The following PRKG1 variants were observed in gnomAD, a reference collection of about 807,000 sequenced individuals.
PRKG1 encodes cGMP-dependent protein kinase 1.
A neutral mutation model predicts 88.1 loss-of-function variants in PRKG1; 35 were observed. The ratio of observed to expected loss-of-function variants is 0.40; its 90% CI spans 0.30 to 0.53. The LOEUF (loss-of-function observed/expected upper bound fraction) is 0.53, where lower values mean the gene tolerates loss of function less well. PRKG1 is among the 20% of genes least tolerant of loss of function. PRKG1 has a pLI of 0.59. For missense variants in PRKG1, 540 were observed against 839.8 expected, an observed-to-expected ratio of 0.64 and a Z score of 4.41; for synonymous variants, 303 against 292.5, an observed-to-expected ratio of 1.04 and a Z score of -0.37.
At chr10:51,040,232 TTGTGTGTGTG>T (rs373057468) in intron 1 of PRKG1, among the ~76,000 whole-genome samples, 40 of 117,838 alleles carry the variant, frequency 3.4e-4, no homozygotes, top group East Asian at 2.1e-3. Context: ...TCCATTCCAT[TTGTGTGTGTG>T]TGTGTGTGTG....
At chr10:51,537,664 G>T (rs1312107295) in intron 3 of PRKG1, among the ~76,000 whole-genome samples, 1 of 145,892 alleles carries the variant, frequency 6.9e-6, no homozygotes, top group East Asian at 2.1e-4. Context: ...GGAGGCAGAG[G>T]TTGCAGTGAG....
chr10:51,836,986 A>C (rs760578048), intron 4 of PRKG1, among the ~76,000 whole-genome samples: 5 of 152,172 alleles, frequency 3.3e-5, no homozygotes, highest in Non-Finnish European at 7.4e-5. Context: ...TGGTCCCTGC[A>C]TTCATTGAGT....
chr10:52,162,918 C>T (rs183367165), intron 9 of PRKG1, among the ~76,000 whole-genome samples: 3 of 152,268 alleles, frequency 2.0e-5, no homozygotes, highest in Admixed American at 2.0e-4. Flanking sequence ...GGAAGTTACA[C>T]AGGCCAGTTG....
intron 3 of PRKG1, among the ~76,000 whole-genome samples, chr10:51,549,312 G>A (rs1197642934): frequency 6.6e-6 from 1 of 150,928 alleles, no homozygotes; most frequent in Non-Finnish European, 1.5e-5. Flanking sequence ...TTTTAGTAGA[G>A]ACAGGATTTC....
At chr10:52,085,850 C>T (rs564531830) in intron 7 of PRKG1, among the ~76,000 whole-genome samples, 28 of 152,126 alleles carry the variant, frequency 1.8e-4, no homozygotes, top group South Asian at 1.0e-3. Context: ...AACATATTTA[C>T]TCTTTTTTTC....
intron 2 of PRKG1, among the ~76,000 whole-genome samples, chr10:51,395,909 A>G (rs1378848248): frequency 1.3e-5 from 2 of 152,220 alleles, no homozygotes; most frequent in Admixed American, 6.5e-5. Context: ...TTTCCTGTCT[A>G]TTCTACCAAG....
At chr10:51,543,254 TAAAG>T (rs1475885986) in intron 3 of PRKG1, among the ~76,000 whole-genome samples, 2 of 152,170 alleles carry the variant, frequency 1.3e-5, no homozygotes, top group South Asian at 2.1e-4. Flanking sequence ...TATAAAACAA[TAAAG>T]AGTTTTAAAT....
At chr10:51,618,172 T>C (rs1839112107) in intron 3 of PRKG1, among the ~76,000 whole-genome samples, 1 of 152,186 alleles carries the variant, frequency 6.6e-6, no homozygotes, top group Non-Finnish European at 1.5e-5. Flanking sequence ...CTTCAGAGAT[T>C]AAGGAAACTT....
chr10:51,155,475 A>C (rs1846182979), intron 2 of PRKG1, among the ~76,000 whole-genome samples: 1 of 152,026 alleles, frequency 6.6e-6, no homozygotes, highest in African/African-American at 2.4e-5. Context: ...AATGTGGTTA[A>C]GTAATTTGCC....
At chr10:51,915,287 G>A (rs1225250430) in intron 5 of PRKG1, among the ~76,000 whole-genome samples, 2 of 152,208 alleles carry the variant, frequency 1.3e-5, no homozygotes, top group East Asian at 1.9e-4. Context: ...AAGGTCAATG[G>A]CAACATTATT....
At chr10:52,188,326 A>G (rs1356258409) in intron 9 of PRKG1, among the ~76,000 whole-genome samples, 1 of 142,414 alleles carries the variant, frequency 7.0e-6, no homozygotes, top group African/African-American at 2.6e-5. Context: ...ATGTATATAT[A>G]TACACATATA....
chr10:52,026,229 T>C (rs1263102538), intron 5 of PRKG1, among the ~76,000 whole-genome samples: 2 of 152,170 alleles, frequency 1.3e-5, no homozygotes, highest in Admixed American at 1.3e-4. Flanking sequence ...GGGTTAGGGA[T>C]AATGTTCTAA....
At chr10:51,080,042 G>A (rs1029985379) in intron 1 of PRKG1, among the ~76,000 whole-genome samples, 2 of 152,204 alleles carry the variant, frequency 1.3e-5, no homozygotes, top group African/African-American at 4.8e-5. Flanking sequence ...TGTTTTTGTG[G>A]AGGAGTTAAA....
At chr10:51,265,920 A>G (rs1177752539) in intron 2 of PRKG1, among the ~76,000 whole-genome samples, 1 of 152,206 alleles carries the variant, frequency 6.6e-6, no homozygotes, top group East Asian at 1.9e-4. Flanking sequence ...TTAAGGAACT[A>G]CAGTTTGTTT....
chr10:52,172,307 A>G (rs939356725), intron 9 of PRKG1, among the ~76,000 whole-genome samples: 4 of 152,220 alleles, frequency 2.6e-5, no homozygotes, highest in Admixed American at 2.0e-4. Flanking sequence ...CAGACAAGCT[A>G]CTTGATTGCT....
chr10:51,126,869 C>T (rs567413181), intron 1 of PRKG1, among the ~76,000 whole-genome samples: 2 of 152,204 alleles, frequency 1.3e-5, no homozygotes, highest in South Asian at 4.2e-4. Flanking sequence ...GGGAAGGATT[C>T]CCTAGTTAAT....
At chr10:52,293,096 A>C (rs1020735439) in intron 17 of PRKG1, among the ~76,000 whole-genome samples, 21 of 149,932 alleles carry the variant, frequency 1.4e-4, no homozygotes, top group Admixed American at 1.2e-3. Flanking sequence ...CAAAAATCAC[A>C]AGCATTCTTA....
chr10:51,902,720 A>T (rs1842006219), intron 4 of PRKG1, among the ~76,000 whole-genome samples: 1 of 152,176 alleles, frequency 6.6e-6, no homozygotes, highest in Admixed American at 6.6e-5. Context: ...CACCTATCAT[A>T]AACCTACTAC....
In PRKG1 at chr10:51,889,459, T is replaced by C. The variant is rs369724612; in HGVS notation, c.699-18048T>C. On this transcript the variant is annotated intron_variant, in intron 4 of 17. Transcript: ENST00000373980. ...CACATTTTCTTAATCCAGTCTATCA[T>C]TGATGGACATTTGAGTTGGTTCCAA... 5.3e-5 allele frequency among the ~76,000 whole-genome samples: 8 copies of C among 152,214 alleles called. No individual in the cohort carries two copies. The South Asian group carries it at 6.2e-4, about 12-fold the overall frequency.
Sources: allele counts gnomAD v4.1 joint callset (sites outside exome capture counted in the v4.1 genomes callset), GRCh38; gene constraint gnomAD v4.1.1; transcripts MANE v1.5; gene names NCBI Gene and HGNC (gene_info 2026-07-23, HGNC 2026-07-21).